DENND1A: variants seen among roughly 807,000 people sequenced by gnomAD.
DENND1A encodes the protein DENN domain-containing protein 1A.
Under a neutral mutation model 113.7 loss-of-function variants are expected in DENND1A, and 51 were observed. The observed-to-expected ratio is 0.45, with a 90% confidence interval of 0.36 to 0.57. DENND1A has a LOEUF of 0.57. DENND1A is among the 20% of genes least tolerant of loss of function. DENND1A has a pLI of 0.00. For missense variants in DENND1A, 1,258 were observed against 1,395.9 expected (o/e 0.90, Z 1.57); for synonymous variants, 565 against 570.8 (o/e 0.99, Z 0.14).
At chr9:123,892,419 A>G (rs907389008) in intron 1 of DENND1A, among the ~76,000 whole-genome samples, 4 of 152,240 alleles carry the variant, frequency 2.6e-5, no homozygotes, top group Admixed American at 6.5e-5. Context: ...ATTTCAAAGT[A>G]ACATAGACAA....
intron 9 of DENND1A, among the ~76,000 whole-genome samples, chr9:123,643,526 G>A (rs981965008): frequency 1.3e-5 from 2 of 152,210 alleles, no homozygotes; most frequent in African/African-American, 4.8e-5. Flanking sequence ...ACTGCTCGAA[G>A]GAACTGCAAC....
intron 1 of DENND1A, among the ~76,000 whole-genome samples, chr9:123,921,132 TG>T (rs1427454147): frequency 1.3e-5 from 2 of 152,210 alleles, no homozygotes; most frequent in African/African-American, 4.8e-5. Flanking sequence ...GGAACATACT[TG>T]CTGTTTTTTA....
intron 13 of DENND1A, among the ~76,000 whole-genome samples, chr9:123,493,978 ACTT>A (rs1011059312): frequency 2.6e-5 from 4 of 152,134 alleles, no homozygotes; most frequent in Non-Finnish European, 5.9e-5. Flanking sequence ...TCTGGGGGGA[ACTT>A]CTCTGCACCA....
intron 5 of DENND1A, among the ~76,000 whole-genome samples, chr9:123,678,229 C>T (rs532450253): frequency 1.6e-4 from 24 of 152,254 alleles, no homozygotes; most frequent in Admixed American, 2.6e-4. Flanking sequence ...TTTGTCTTTC[C>T]GGTGCCAAGA....
chr9:123,626,312 C>A (rs551969297), intron 10 of DENND1A, among the ~76,000 whole-genome samples: 40 of 151,438 alleles, frequency 2.6e-4, no homozygotes, highest in Non-Finnish European at 1.5e-4. Context: ...TGAAGGTGGG[C>A]GCGTCTGTGT....
At chr9:123,664,787 A>G (rs1015983155) in intron 8 of DENND1A, among the ~76,000 whole-genome samples, 7 of 152,222 alleles carry the variant, frequency 4.6e-5, no homozygotes, top group African/African-American at 1.7e-4. Context: ...GTGACCTGTA[A>G]GAGTTTAGTA....
chr9:123,414,172 C>A (rs993892107), intron 19 of DENND1A: 9 of 1,015,496 alleles, frequency 8.9e-6, no homozygotes, highest in African/African-American at 1.7e-5. Flanking sequence ...TCCAGGCCCA[C>A]GATTTGACCA....
intron 13 of DENND1A, among the ~76,000 whole-genome samples, chr9:123,546,192 T>C (rs1243151724): frequency 6.6e-6 from 1 of 152,108 alleles, no homozygotes; most frequent in African/African-American, 2.4e-5. Flanking sequence ...ACATTCGTGA[T>C]GTGGTGTTTG....
chr9:123,538,853 T>C (rs536778112), intron 13 of DENND1A, among the ~76,000 whole-genome samples: 7,381 of 106,134 alleles, frequency 0.07, 761 homozygotes, highest in Admixed American at 0.092. Context: ...TATATATATA[T>C]ATATATGAAT....
rs548452602 is a variant in DENND1A at position 123,477,431 on chromosome 9, C to T, written c.994-19534G>A. 1.6e-4 allele frequency among the ~76,000 whole-genome samples: 24 copies of T among 151,458 alleles called. No homozygotes were observed. The East Asian group carries it at 1.9e-3, about 12-fold the overall frequency. On this transcript the variant is annotated intron_variant, in intron 13 of 23. Transcript: ENST00000394215. ...TAATTAGCTGGGTGTGATAGCATGC[C>T]CCTGTAGTTCCAGCTACTTGGGAGG...
intron 2 of DENND1A, among the ~76,000 whole-genome samples, chr9:123,804,340 G>A (rs575255303): frequency 2.6e-4 from 39 of 152,168 alleles, no homozygotes; most frequent in African/African-American, 6.3e-4. Flanking sequence ...GCCCAGTCTC[G>A]GGTATGTCTT....
At chr9:123,686,448 G>A (rs953537215) in intron 5 of DENND1A, among the ~76,000 whole-genome samples, 1 of 152,150 alleles carries the variant, frequency 6.6e-6, no homozygotes, top group African/African-American at 2.4e-5. Flanking sequence ...ATAAGATAAA[G>A]GAAAGCTTGC....
chr9:123,553,787 C>T (rs1260917689), intron 13 of DENND1A, among the ~76,000 whole-genome samples: 2 of 152,048 alleles, frequency 1.3e-5, no homozygotes, highest in African/African-American at 4.8e-5. Flanking sequence ...AAGAGTTAGT[C>T]TTGCTCTGTC....
chr9:123,890,735 C>T (rs773542227), intron 1 of DENND1A, among the ~76,000 whole-genome samples: 6 of 152,202 alleles, frequency 3.9e-5, no homozygotes, highest in Non-Finnish European at 7.3e-5. Flanking sequence ...TGTCCAAGTT[C>T]ACACAGTTTG....
At chr9:123,402,669 T>C (rs1399716286) in intron 21 of DENND1A, 22 of 529,746 alleles carry the variant, frequency 4.2e-5, no homozygotes, top group South Asian at 3.1e-4. Context: ...GACTGAGGGC[T>C]GTGCTCCTTT....
At chr9:123,493,301 A>G (rs2051550099) in intron 13 of DENND1A, 1 of 152,260 alleles carries the variant, frequency 6.6e-6, no homozygotes, top group Admixed American at 6.5e-5. Flanking sequence ...ATCTGTGGGC[A>G]ACCAGGGAGG....
At position 123,381,507 on chromosome 9, in the gene DENND1A, C is replaced by T. The variant is rs757571699; in HGVS notation, c.3138G>A (p.Val1046=). 6 of 1,613,350 alleles carry T rather than the reference C, an allele frequency of 3.7e-6. No homozygotes were observed. The African/African-American group carries it at 5.3e-5, about 14-fold the overall frequency. ...CCGGGGCCAGGGCCGGACTCGGGCT[C>T]ACGTCTTGCTTGGTTTTCTGTAACA... ...EDLLQKTKQD[V]SPSPALAPAP... Residue 1046 remains valine (V), a synonymous_variant, in exon 24 of 24, where the codon GTG becomes GTA. Coordinates refer to ENST00000394215, the MANE Select transcript of DENND1A (RefSeq NM_001352964.2). The surrounding 1 kb of genome is among the most constrained non-coding windows in gnomAD (Gnocchi z 4.7).
At chr9:123,627,739 CAAA>C (rs764341977) in intron 10 of DENND1A, among the ~76,000 whole-genome samples, 5 of 57,794 alleles carry the variant, frequency 8.7e-5, no homozygotes, top group African/African-American at 1.3e-4. Context: ...AACTCTGTCT[CAAA>C]AAAAAAAAAA....
rs546001517 is a variant in DENND1A at position 123,516,884 on chromosome 9, C to CAA, written c.993+40684_993+40685dup. 7.5e-5 allele frequency among the ~76,000 whole-genome samples: 7 copies of CAA among 93,390 alleles called. 1 individual carries two copies. The highest frequency in any genetic ancestry group is 3.7e-4 in the African/African-American group (6 of 16,200). The allele number at this position is 93,390 out of a possible 152,430, so 61.3% of individuals were successfully genotyped here. ...CTGGTGACAGAGTGAGACTCTGTCT[C>CAA]AAAAAAAAAAAAAAAAAAAAAAAAA... On this transcript the variant is annotated intron_variant, in intron 13 of 23. Coordinates refer to ENST00000394215, the MANE Select transcript of DENND1A (RefSeq NM_001352964.2).
Sources: allele counts gnomAD v4.1 joint callset (sites outside exome capture counted in the v4.1 genomes callset), GRCh38; gene constraint gnomAD v4.1.1; non-coding constraint Gnocchi (gnomAD v3.1); transcripts MANE v1.5; gene names NCBI Gene and HGNC (gene_info 2026-07-23, HGNC 2026-07-21).